Variants in ROR1 observed in about 807,000 individuals in gnomAD.
ROR1 encodes the protein inactive tyrosine-protein kinase transmembrane receptor ROR1.
ROR1 carries 19 observed loss-of-function variants against 78.8 expected under a neutral mutation model. The observed-to-expected ratio is 0.24, with a 90% CI of 0.17 to 0.35. The LOEUF is 0.35. Ranked by LOEUF, ROR1 falls within the 10% of genes least tolerant of loss-of-function variation. The pLI is 1.00. For synonymous variants in ROR1, 386 were observed against 433.6 expected (o/e 0.89, Z 1.36); for missense variants, 917 against 1,177.8 (o/e 0.78, Z 3.24).
chr1:63,950,897 C>G (rs1464499621), intron 1 of ROR1, among the ~76,000 whole-genome samples: 1 of 152,186 alleles, frequency 6.6e-6, no homozygotes, highest in South Asian at 2.1e-4. Context: ...AAGCTATACA[C>G]CTACACAGGT....
At chr1:63,800,257 C>T (rs1353218406) in intron 1 of ROR1, among the ~76,000 whole-genome samples, 1 of 152,112 alleles carries the variant, frequency 6.6e-6, no homozygotes, top group Non-Finnish European at 1.5e-5. Context: ...ATGTCAACCC[C>T]TTTAAGGTGA....
chr1:64,022,170 A>C (rs935944039), intron 2 of ROR1, among the ~76,000 whole-genome samples: 1 of 152,222 alleles, frequency 6.6e-6, no homozygotes, highest in African/African-American at 2.4e-5. Flanking sequence ...GATTTCATTC[A>C]TGTGAAATAT....
At chr1:64,150,071 A>G (rs1297906871) in intron 7 of ROR1, among the ~76,000 whole-genome samples, 3 of 152,122 alleles carry the variant, frequency 2.0e-5, no homozygotes, top group Non-Finnish European at 1.5e-5. Flanking sequence ...TGGTATTTTT[A>G]TATTTAAACC....
chr1:63,924,436 A>G (rs974530455), intron 1 of ROR1, among the ~76,000 whole-genome samples: 42 of 152,276 alleles, frequency 2.8e-4, no homozygotes, highest in African/African-American at 1.0e-3. Context: ...TTCAATGTCT[A>G]TATTCAAGCC....
chr1:64,016,362 T>G (rs1321017295), intron 2 of ROR1, among the ~76,000 whole-genome samples: 1 of 152,224 alleles, frequency 6.6e-6, no homozygotes, highest in African/African-American at 2.4e-5. Context: ...AATATCTTAC[T>G]AATAATTTTT....
chr1:63,817,562 A>G (rs1487576868), intron 1 of ROR1, among the ~76,000 whole-genome samples: 2 of 152,196 alleles, frequency 1.3e-5, no homozygotes, highest in Non-Finnish European at 2.9e-5. Context: ...TCAGTACAGT[A>G]TCATTAGCAT....
chr1:63,982,860 T>G (rs575695953), intron 1 of ROR1, among the ~76,000 whole-genome samples: 2 of 152,116 alleles, frequency 1.3e-5, no homozygotes, highest in Non-Finnish European at 2.9e-5. Flanking sequence ...CTACTAGATA[T>G]ATAACCTGGA....
chr1:63,802,780 G>C (rs1341402787), intron 1 of ROR1, among the ~76,000 whole-genome samples: 1 of 152,120 alleles, frequency 6.6e-6, no homozygotes, highest in Non-Finnish European at 1.5e-5. Context: ...ATCACCTCTA[G>C]CAACCTACAA....
At chr1:63,893,985 A>C (rs900027303) in intron 1 of ROR1, among the ~76,000 whole-genome samples, 4 of 152,068 alleles carry the variant, frequency 2.6e-5, no homozygotes, top group African/African-American at 9.7e-5. Context: ...TTTTCACTTC[A>C]ATCTTTTACC....
chr1:64,159,335 A>G (rs537664742), intron 8 of ROR1, 143 bp downstream of exon 8: 2 of 662,910 alleles, frequency 3.0e-6, no homozygotes, highest in South Asian at 3.7e-5. Flanking sequence ...AAATGCAAAG[A>G]CGAACTACCT....
chr1:64,003,701 C>T (rs1276614102), intron 1 of ROR1, among the ~76,000 whole-genome samples: 2 of 152,210 alleles, frequency 1.3e-5, no homozygotes. Context: ...CCTTGCACTA[C>T]TGGGGAATGT....
intron 1 of ROR1, among the ~76,000 whole-genome samples, chr1:63,841,316 A>G (rs1008272310): frequency 2.0e-5 from 3 of 152,190 alleles, no homozygotes. Context: ...AAATTCCTTT[A>G]AGGAAGGGAC....
At chr1:63,982,563 G>T (rs886439597) in intron 1 of ROR1, among the ~76,000 whole-genome samples, 4 of 152,074 alleles carry the variant, frequency 2.6e-5, no homozygotes, top group African/African-American at 9.7e-5. Flanking sequence ...TTGTTTTCTG[G>T]GTAGGCTCAG....
At chr1:63,884,191 A>T (rs2100379128) in intron 1 of ROR1, among the ~76,000 whole-genome samples, 1 of 152,212 alleles carries the variant, frequency 6.6e-6, no homozygotes, top group Middle Eastern at 3.4e-3. Context: ...TACCCCTTTG[A>T]TGTCCCCTCT....
At chr1:64,122,721 C>T (rs1477009292) in intron 4 of ROR1, among the ~76,000 whole-genome samples, 12 of 152,182 alleles carry the variant, frequency 7.9e-5, no homozygotes, top group Non-Finnish European at 1.3e-4. Flanking sequence ...AGCATTTGAA[C>T]GATGTTCTCA....
chr1:64,058,128 T>G (rs909942044), intron 4 of ROR1, among the ~76,000 whole-genome samples: 1 of 152,220 alleles, frequency 6.6e-6, no homozygotes, highest in Non-Finnish European at 1.5e-5. Context: ...TCATCTCAGT[T>G]TATTCATTGC....
At chr1:63,966,713 T>C (rs1029477317) in intron 1 of ROR1, among the ~76,000 whole-genome samples, 1 of 152,192 alleles carries the variant, frequency 6.6e-6, no homozygotes, top group South Asian at 2.1e-4. Context: ...TTTTTCTGTT[T>C]GTTTGGCTGC....
At chr1:63,958,327 C>CATGT (rs1260553138) in intron 1 of ROR1, among the ~76,000 whole-genome samples, 3 of 152,102 alleles carry the variant, frequency 2.0e-5, no homozygotes, top group Admixed American at 6.5e-5. Flanking sequence ...AGATACTCTC[C>CATGT]ATGCCTCCTG....
chr1:63,933,330 G>T (rs1645768862), intron 1 of ROR1, among the ~76,000 whole-genome samples: 1 of 152,154 alleles, frequency 6.6e-6, no homozygotes, highest in Non-Finnish European at 1.5e-5. Flanking sequence ...TCAGATGGTT[G>T]TGACAGTCAT....
Sources: gnomAD v4.1 joint callset for allele counts (sites outside exome capture counted in the v4.1 genomes callset) on GRCh38, gnomAD v4.1.1 for gene constraint, MANE v1.5 for transcripts, NCBI Gene and HGNC (gene_info 2026-07-23, HGNC 2026-07-21) for gene names.